Variants in IL23R observed in about 807,000 individuals in gnomAD.
IL23R encodes interleukin-23 receptor.
In IL23R, 34 loss-of-function variants were observed where a neutral mutation model predicts 56.9. That is an observed-to-expected ratio of 0.60 (90% CI 0.45 to 0.80). The LOEUF is 0.80. Ranked by LOEUF, IL23R falls within the 30% of genes least tolerant of loss-of-function variation. The pLI is 0.00. For synonymous variants in IL23R, 230 were observed against 249.2 expected, an observed-to-expected ratio of 0.92 and a Z score of 0.73; for missense variants, 635 against 730.0, an observed-to-expected ratio of 0.87 and a Z score of 1.50.
intron 3 of IL23R, among the ~76,000 whole-genome samples, chr1:67,172,084 T>C (rs933052550): frequency 3.9e-5 from 6 of 152,308 alleles, no homozygotes; most frequent in African/African-American, 1.2e-4. Context: ...AAAATGTAAC[T>C]GCCAGGTGAG....
intron 1 of IL23R, among the ~76,000 whole-genome samples, chr1:67,160,733 G>C (rs117282985): frequency 0.027 from 4,132 of 152,150 alleles, 66 homozygotes; most frequent in East Asian, 0.078. Context: ...CTAGGCTGGA[G>C]TGCAGTGGCA....
chr1:67,234,853 A>G (rs1274127324), intron 7 of IL23R, among the ~76,000 whole-genome samples: 2 of 151,740 alleles, frequency 1.3e-5, no homozygotes, highest in South Asian at 4.1e-4. Context: ...GACTATAGGC[A>G]CCTGCCACCA....
At position 67,221,060 on chromosome 1, in the gene IL23R, C is replaced by T. The variant is rs536134999; in HGVS notation, c.955+1330C>T. Among the ~76,000 whole-genome samples the T allele has an allele frequency of 3.3e-5, 5 of 152,062 alleles. 1 individual carries two copies. The highest frequency in any genetic ancestry group is 1.2e-4 in the African/African-American group (5 of 41,462). On this transcript the variant is annotated intron_variant, in intron 7 of 10. Coordinates refer to ENST00000347310, the MANE Select transcript of IL23R (RefSeq NM_144701.3). ...TATTATCTGGGTGTGGTGGCTCAAG[C>T]CTGTAATCCCAGCACTTTCAGAGGC... is the stretch of plus-strand genomic sequence containing the variant.
chr1:67,192,841 A>G (rs544951137), intron 4 of IL23R, among the ~76,000 whole-genome samples: 1 of 152,272 alleles, frequency 6.6e-6, no homozygotes, highest in South Asian at 2.1e-4. Context: ...AAGAACTTCT[A>G]ACTGGTCCAC....
At chr1:67,173,219 T>C (rs934785995) in intron 3 of IL23R, among the ~76,000 whole-genome samples, 2 of 152,212 alleles carry the variant, frequency 1.3e-5, no homozygotes. Context: ...TTGATGTTAT[T>C]ATCATAAGCA....
chr1:67,216,810 T>C (rs1189826405), intron 6 of IL23R, among the ~76,000 whole-genome samples: 2 of 152,222 alleles, frequency 1.3e-5, no homozygotes, highest in Admixed American at 1.3e-4. Context: ...AGACAAATCC[T>C]TGGCTTCGGC....
At chr1:67,237,779 A>G (rs1651582831) in intron 8 of IL23R, among the ~76,000 whole-genome samples, 1 of 152,210 alleles carries the variant, frequency 6.6e-6, no homozygotes. Flanking sequence ...TTCACCATTG[A>G]CCACTGACAG....
chr1:67,172,424 A>G (rs964797897), intron 3 of IL23R, among the ~76,000 whole-genome samples: 9 of 152,196 alleles, frequency 5.9e-5, no homozygotes, highest in African/African-American at 1.9e-4. Context: ...TTAATGTATA[A>G]TTTGTGAAAT....
chr1:67,179,682 G>A (rs1647062837), intron 3 of IL23R, among the ~76,000 whole-genome samples: 1 of 152,024 alleles, frequency 6.6e-6, no homozygotes, highest in Non-Finnish European at 1.5e-5. Context: ...GTTTGATCTT[G>A]CTTCTCCAGT....
chr1:67,228,350 AT>A (rs1286679190), intron 7 of IL23R, among the ~76,000 whole-genome samples: 4 of 96,474 alleles, frequency 4.1e-5, no homozygotes, highest in Admixed American at 1.4e-4. Context: ...TACCCAGCTA[AT>A]TTTTTTTCTT....
At chr1:67,241,310 C>A (rs1329833480) in intron 9 of IL23R, among the ~76,000 whole-genome samples, 1 of 152,188 alleles carries the variant, frequency 6.6e-6, no homozygotes, top group Admixed American at 6.5e-5. Flanking sequence ...TATGCTGGAA[C>A]ATCCTGTTTA....
At chr1:67,265,878 A>G in the IL23R span, among the ~76,000 whole-genome samples, 2 of 152,214 alleles carry the variant, frequency 1.3e-5, no homozygotes, top group African/African-American at 4.8e-5. Flanking sequence ...TGTCTCAAAA[A>G]AAAAAAATTA....
At chr1:67,242,363 A>G (rs2100336253) in intron 9 of IL23R, among the ~76,000 whole-genome samples, 1 of 152,288 alleles carries the variant, frequency 6.6e-6, no homozygotes, top group South Asian at 2.1e-4. Context: ...TCACAAATAA[A>G]CATATACCCC....
intron 3 of IL23R, among the ~76,000 whole-genome samples, chr1:67,180,480 T>C (rs1647122001): frequency 6.6e-6 from 1 of 152,100 alleles, no homozygotes; most frequent in African/African-American, 2.4e-5. Context: ...TGGTAGATCT[T>C]CCTCCATCCC....
intron 10 of IL23R, among the ~76,000 whole-genome samples, 159 bp downstream of exon 10, chr1:67,256,086 A>G (rs1295163371): frequency 1.3e-5 from 2 of 152,244 alleles, no homozygotes; most frequent in Non-Finnish European, 2.9e-5. Context: ...GTTTCAAATC[A>G]TACTTAAAAG....
downstream of IL23R, among the ~76,000 whole-genome samples, chr1:67,263,132 T>TTTAA (rs149532441): frequency 7.2e-6 from 1 of 139,600 alleles, no homozygotes; most frequent in Admixed American, 7.3e-5. Flanking sequence ...TTTTTTTTTT[T>TTTAA]AACAGGTCAC....
At chr1:67,197,251 A>G (rs1007036935) in intron 4 of IL23R, among the ~76,000 whole-genome samples, 8 of 152,224 alleles carry the variant, frequency 5.3e-5, no homozygotes, top group African/African-American at 1.9e-4. Flanking sequence ...ATCAAGAGGG[A>G]TAAATGCTTA....
intron 7 of IL23R, among the ~76,000 whole-genome samples, chr1:67,224,397 G>A (rs1570883226): frequency 6.6e-6 from 1 of 152,226 alleles, no homozygotes; most frequent in South Asian, 2.1e-4. Context: ...AGGCAGTAAT[G>A]CCTCTTCCAA....
rs181545061 is a variant in IL23R, at chr1:67,184,667, T to G, written c.491+1708T>G. ...TATGCTTTTTTTTTTCTGTCACTAA[T>G]TCTTAAAAATTTCACAAACCATTTT... On this transcript the variant is annotated intron_variant, in intron 4 of 10. Coordinates refer to ENST00000347310, the MANE Select transcript of IL23R (RefSeq NM_144701.3). 3.6e-3 allele frequency among the ~76,000 whole-genome samples: 546 copies of G among 152,026 alleles called. 2 individuals are homozygous for G. The highest frequency in any genetic ancestry group is 0.021 in the Middle Eastern group (6 of 292).
Sources: allele counts gnomAD v4.1 joint callset (sites outside exome capture counted in the v4.1 genomes callset), GRCh38; gene constraint gnomAD v4.1.1; transcripts MANE v1.5; gene names NCBI Gene and HGNC (gene_info 2026-07-23, HGNC 2026-07-21).